Variants in PCDHA1 observed in about 807,000 individuals in gnomAD.
The protein encoded by PCDHA1 is protocadherin alpha 1.
A neutral mutation model predicts 61.3 loss-of-function variants in PCDHA1; 42 were observed. The ratio of observed to expected loss-of-function variants is 0.69; its 90% CI spans 0.54 to 0.89. The LOEUF is 0.89. Among genes scored for constraint, PCDHA1 ranks in the 40% least tolerant of loss-of-function variants. PCDHA1 has a pLI of 0.00. For synonymous variants in PCDHA1, 610 were observed against 553.8 expected, an observed-to-expected ratio of 1.10 and a Z score of -1.43; for missense variants, 1,256 against 1,235.3, an observed-to-expected ratio of 1.02 and a Z score of -0.25.
At chr5:140,906,092 A>G (rs985090106) in intron 1 of PCDHA1, among the ~76,000 whole-genome samples, 2 of 152,140 alleles carry the variant, frequency 1.3e-5, no homozygotes, top group Non-Finnish European at 2.9e-5. Context: ...GACTGAGAGT[A>G]AGTGTGTCTT....
At chr5:140,984,597 T>TA (rs1554246418) in intron 3 of PCDHA1, among the ~76,000 whole-genome samples, 1 of 152,182 alleles carries the variant, frequency 6.6e-6, no homozygotes, top group East Asian at 1.9e-4. Flanking sequence ...TTTCAATACA[T>TA]ACCTCTGCAT....
intron 1 of PCDHA1, chr5:140,807,308 C>T (rs1554123867): frequency 1.9e-6 from 3 of 1,614,140 alleles, no homozygotes; most frequent in Non-Finnish European, 1.7e-6. Context: ...GGAGGCCAAA[C>T]ACGGCACCTT....
Position 140,913,476 on chromosome 5 carries a change from T to G in PCDHA1, c.2395-65473T>G, listed in dbSNP as rs191224245. On this transcript the variant is annotated intron_variant, in intron 1 of 3. Transcript: ENST00000504120. ...TTTATTTACTTGGGTCTTCTCTCTT[T>G]TTTTCTTCATTAGTCTGTTTAAAAC... Among the ~76,000 whole-genome samples the G allele has an allele frequency of 5.9e-3, 899 of 152,286 alleles. 12 individuals carry two copies. Among genetic ancestry groups the G allele is most frequent in the African/African-American group, 0.02 (842 of 41,576 alleles).
chr5:140,830,545 C>A, intron 1 of PCDHA1: 1 of 1,153,858 alleles, frequency 8.7e-7, no homozygotes, highest in Non-Finnish European at 1.2e-6. Flanking sequence ...TTGTTTTCCT[C>A]ATATTTGTCT....
chr5:140,933,379 G>T (rs1403607512), intron 1 of PCDHA1, among the ~76,000 whole-genome samples: 1 of 151,928 alleles, frequency 6.6e-6, no homozygotes, highest in Non-Finnish European at 1.5e-5. Flanking sequence ...TTCCTTGGCT[G>T]TTCCTAGAGC....
At chr5:140,946,097 C>T (rs1452170851) in intron 1 of PCDHA1, among the ~76,000 whole-genome samples, 1 of 151,826 alleles carries the variant, frequency 6.6e-6, no homozygotes, top group Admixed American at 6.6e-5. Context: ...AAGGAGTTAA[C>T]ATACCAAATA....
Position 140,788,308 on chromosome 5 carries a change from G to T in PCDHA1, c.2018G>T (p.Gly673Val), listed in dbSNP as rs1320228184. ...ATVLVSLVES[G>V]QAPKASSRAS... ...GTGCTTGTATCTCTGGTGGAGAGCG[G>T]CCAGGCGCCAAAGGCGTCTTCGCGG... is the stretch of plus-strand genomic sequence containing the variant. Residue 673 changes from glycine (G) to valine (V), a missense_variant, in exon 1 of 4, where the codon GGC becomes GTC. Physicochemically the swap from Gly to Val is moderately radical, Grantham distance 109 (BLOSUM62 -3). Coordinates refer to ENST00000504120, the MANE Select transcript of PCDHA1 (RefSeq NM_018900.4). The T allele has an allele frequency of 3.7e-6, 6 of 1,613,870 alleles. No homozygotes were observed. Among genetic ancestry groups the T allele is most frequent in the Non-Finnish European group, 8.5e-7 (1 of 1,179,950 alleles).
chr5:140,824,610 G>GTTGTTTTTTTTTTT (rs1768193318), intron 1 of PCDHA1: 1 of 95,104 alleles, frequency 1.1e-5, no homozygotes, highest in African/African-American at 4.9e-5. Flanking sequence ...GCTAATTAAA[G>GTTGTTTTTTTTTTT]TTTTTTTTTT....
rs555772582 is a variant in PCDHA1 at position 140,796,245 on chromosome 5, A to G, written c.2394+7561A>G. 5.1e-5 allele frequency: 83 copies of G among 1,614,016 alleles called. No homozygotes were observed. The Admixed American group carries it at 5.5e-4, about 11-fold the overall frequency. Reference sequence around the variant, plus strand: ...CAGCCTATGAGCTGGTGGTGACCGCACGGGACGGGGGCTCGCCTTCACTGT... The same window carrying G: ...CAGCCTATGAGCTGGTGGTGACCGCGCGGGACGGGGGCTCGCCTTCACTGT... On this transcript the variant is annotated intron_variant, in intron 1 of 3. Transcript: ENST00000504120.
chr5:140,876,853 A>G, intron 1 of PCDHA1: 1 of 1,614,094 alleles, frequency 6.2e-7, no homozygotes. Context: ...GCCCGAGTAC[A>G]CAGTGTTCGT....
intron 1 of PCDHA1, chr5:140,858,161 G>T: frequency 6.3e-7 from 1 of 1,597,836 alleles, no homozygotes; most frequent in Non-Finnish European, 8.6e-7. Flanking sequence ...CATCTGCGCG[G>T]TGTCCAGCTT....
At chr5:140,933,663 C>G (rs1340033934) in intron 1 of PCDHA1, among the ~76,000 whole-genome samples, 4 of 152,128 alleles carry the variant, frequency 2.6e-5, no homozygotes, top group African/African-American at 7.2e-5. Context: ...GTCTCTCTCT[C>G]TGTCTCTCTC....
intron 1 of PCDHA1, chr5:140,876,058 C>A (rs781906188): frequency 1.2e-6 from 2 of 1,613,750 alleles, no homozygotes; most frequent in African/African-American, 1.3e-5. Flanking sequence ...TGAATTAGTT[C>A]TTCGGAAGTT....
chr5:140,862,674 C>A (rs782474067), intron 1 of PCDHA1: 5 of 549,972 alleles, frequency 9.1e-6, no homozygotes, highest in Non-Finnish European at 1.5e-5. Context: ...CGCAGGAGAA[C>A]GTGCTGGTGT....
At position 140,856,702 on chromosome 5, in the gene PCDHA1, A is replaced by G. The variant is rs782234318; in HGVS notation, c.2394+68018A>G. The stretch of plus-strand genomic sequence containing the variant: ...TGTTGACAGCAACTGATGGAGGCAA[A>G]CCTGAATTTACCGGATCTGTTTCTC... On this transcript the variant is annotated intron_variant, in intron 1 of 3. Transcript: ENST00000504120. The G allele has an allele frequency of 1.7e-5, 27 of 1,596,504 alleles. 5 individuals are homozygous for G. Among genetic ancestry groups the G allele is most frequent in the Middle Eastern group, 3.3e-4 (2 of 6,020 alleles).
intron 1 of PCDHA1, chr5:140,869,624 A>G: frequency 6.2e-7 from 1 of 1,613,850 alleles, no homozygotes; most frequent in African/African-American, 1.3e-5. Flanking sequence ...AGGCTAAGTA[A>G]AAATGAGTAT....
rs1554168487 is a variant in PCDHA1 at position 140,876,335 on chromosome 5, G to A, written c.2394+87651G>A. ...GGGATCAAAATGATTTTGCCAGTGA[G>A]TGAGAAATGTATGTTTTCAATAAAT... On this transcript the variant is annotated intron_variant, in intron 1 of 3. Transcript: ENST00000504120. 3 of 1,614,034 alleles carry A rather than the reference G, an allele frequency of 1.9e-6. No individual in the cohort carries two copies. The highest frequency in any genetic ancestry group is 4.5e-5 in the East Asian group (2 of 44,894).
At chr5:140,855,106 T>C (rs1554147619) in intron 1 of PCDHA1, among the ~76,000 whole-genome samples, 1 of 149,974 alleles carries the variant, frequency 6.7e-6, no homozygotes, top group Non-Finnish European at 1.5e-5. Flanking sequence ...GTAGCAATAA[T>C]TAAGGCATTC....
In PCDHA1 at chr5:140,882,341, G is replaced by A. The variant is rs782271839; in HGVS notation, c.2394+93657G>A. 5.6e-6 allele frequency: 9 copies of A among 1,614,058 alleles called. No individual in the cohort carries two copies. The Admixed American group carries it at 1.3e-4, about 24-fold the overall frequency. ...CTGGCTTCTGATCCTCGCAGCCTGGGAGACGGGTAGTGGCCAGCTCCACTA... is the reference window on the plus strand; with the variant it reads ...CTGGCTTCTGATCCTCGCAGCCTGGAAGACGGGTAGTGGCCAGCTCCACTA... On this transcript the variant is annotated intron_variant, in intron 1 of 3. Coordinates refer to ENST00000504120, the MANE Select transcript of PCDHA1 (RefSeq NM_018900.4).
Sources: gnomAD v4.1 joint callset for allele counts (sites outside exome capture counted in the v4.1 genomes callset) on GRCh38, gnomAD v4.1.1 for gene constraint, MANE v1.5 for transcripts, NCBI Gene and HGNC (gene_info 2026-07-23, HGNC 2026-07-21) for gene names.